TMOD2: variants seen among roughly 807,000 people sequenced by gnomAD.
TMOD2 encodes the protein tropomodulin-2.
In TMOD2, 22 loss-of-function variants were observed where a neutral mutation model predicts 39.9. That is an observed-to-expected ratio of 0.55 (90% confidence interval 0.39 to 0.79). The LOEUF (loss-of-function observed/expected upper bound fraction) is 0.79, where lower values mean the gene tolerates loss of function less well. Ranked by LOEUF, TMOD2 falls within the 30% of genes least tolerant of loss-of-function variation. The pLI is 0.00. For synonymous variants in TMOD2, 123 were observed against 146.1 expected (o/e 0.84, Z 1.14); for missense variants, 386 against 413.3 (o/e 0.93, Z 0.57).
intron 7 of TMOD2, among the ~76,000 whole-genome samples, chr15:51,797,703 T>C (rs374863646): frequency 3.9e-4 from 60 of 152,312 alleles, no homozygotes; most frequent in African/African-American, 1.4e-3. Flanking sequence ...GTTCCAAAAG[T>C]TATTTTTTAA....
At chr15:51,795,566 CTTGCTTGCTTGCT>C (rs1432410913) in intron 7 of TMOD2, among the ~76,000 whole-genome samples, 3 of 27,378 alleles carry the variant, frequency 1.1e-4, no homozygotes, top group African/African-American at 6.8e-4. Flanking sequence ...TTCTCTTCTG[CTTGCTTGCTTGCT>C]TTCTTTCTTT....
At position 51,808,405 on chromosome 15, in the gene TMOD2, T is replaced by C. The variant is rs774627169; in HGVS notation, c.1022-15T>C. ...CCCTTCAATTTGTCTTTTTGTTCCT[T>C]TCTTTCTTACCTAGTTCGTAAGAAG... On this transcript the variant is annotated splice_polypyrimidine_tract_variant and intron_variant, in intron 9 of 9. Coordinates refer to ENST00000249700, the MANE Select transcript of TMOD2 (RefSeq NM_014548.4). 21 of 1,609,096 alleles carry C rather than the reference T, an allele frequency of 1.3e-5. No homozygotes were observed. The highest frequency in any genetic ancestry group is 1.7e-6 in the Non-Finnish European group (2 of 1,177,552).
chr15:51,806,287 C>A, intron 8 of TMOD2, 90 bp from the exon 9 acceptor site: 1 of 1,478,896 alleles, frequency 6.8e-7, no homozygotes, highest in Non-Finnish European at 9.2e-7. Flanking sequence ...GCCTTTTTGT[C>A]CAGCAAGTAG....
At chr15:51,789,001 A>G (rs1321100008) in intron 7 of TMOD2, among the ~76,000 whole-genome samples, 2 of 152,254 alleles carry the variant, frequency 1.3e-5, no homozygotes, top group African/African-American at 2.4e-5. Flanking sequence ...TCAAATTCAC[A>G]TATAACAATA....
At chr15:51,760,603 A>C (rs1023359191) in intron 1 of TMOD2, among the ~76,000 whole-genome samples, 4 of 152,192 alleles carry the variant, frequency 2.6e-5, no homozygotes, top group Non-Finnish European at 5.9e-5. Flanking sequence ...TCAGGTGCTC[A>C]AGACCAGCCT....
intron 7 of TMOD2, among the ~76,000 whole-genome samples, chr15:51,789,265 G>A (rs1316769901): frequency 1.3e-5 from 2 of 152,134 alleles, no homozygotes; most frequent in African/African-American, 4.8e-5. Flanking sequence ...GACAAAGAAG[G>A]GCATTACATA....
chr15:51,759,354 C>G (rs532879357), intron 1 of TMOD2, among the ~76,000 whole-genome samples: 1 of 152,022 alleles, frequency 6.6e-6, no homozygotes, highest in Admixed American at 6.6e-5. Flanking sequence ...GCCTAACCCT[C>G]AGGAAAAAAG....
At chr15:51,798,057 G>T in intron 7 of TMOD2, 140 bp from the exon 8 acceptor site, 1 of 655,408 alleles carries the variant, frequency 1.5e-6, no homozygotes, top group East Asian at 3.1e-5. Flanking sequence ...TTGTTACTTG[G>T]AGGTGAAAGT....
Position 51,808,415 on chromosome 15 carries a change from C to T in TMOD2, c.1022-5C>T. On this transcript the variant is annotated splice_polypyrimidine_tract_variant and splice_region_variant and intron_variant, in intron 9 of 9. Transcript: ENST00000249700. The stretch of plus-strand genomic sequence containing the variant: ...TGTCTTTTTGTTCCTTTCTTTCTTA[C>T]CTAGTTCGTAAGAAGAGAGTTGAAG... The T allele has an allele frequency of 1.2e-6, 2 of 1,610,754 alleles. No individual in the cohort carries two copies. Among genetic ancestry groups the T allele is most frequent in the Non-Finnish European group, 8.5e-7 (1 of 1,178,360 alleles).
At chr15:51,759,339 T>C (rs929186003) in intron 1 of TMOD2, among the ~76,000 whole-genome samples, 1 of 152,126 alleles carries the variant, frequency 6.6e-6, no homozygotes, top group African/African-American at 2.4e-5. Flanking sequence ...GATGGAAATA[T>C]AGGGGCCTAA....
chr15:51,787,067 T>G (rs1214714077), intron 7 of TMOD2, among the ~76,000 whole-genome samples: 2 of 152,172 alleles, frequency 1.3e-5, no homozygotes, highest in Non-Finnish European at 2.9e-5. Context: ...GATTTCCCTT[T>G]CCTAGCCAAG....
At chr15:51,801,379 C>T (rs1373193738) in intron 8 of TMOD2, among the ~76,000 whole-genome samples, 3 of 151,762 alleles carry the variant, frequency 2.0e-5, no homozygotes, top group Non-Finnish European at 4.4e-5. Flanking sequence ...TGAGGGAATT[C>T]GGGGTCAAAA....
intron 8 of TMOD2, 117 bp from the exon 9 acceptor site, chr15:51,806,260 G>C: frequency 8.7e-7 from 1 of 1,152,412 alleles, no homozygotes; most frequent in South Asian, 1.5e-5. Context: ...CTTTCAGTTT[G>C]AGACCTTTGC....
intron 1 of TMOD2, chr15:51,752,498 A>T (rs2055712799): frequency 6.6e-6 from 1 of 152,226 alleles, no homozygotes; most frequent in African/African-American, 2.4e-5. Context: ...ACATATCTGA[A>T]TCACGAGGCA....
chr15:51,770,657 G>A (rs1204637002), intron 3 of TMOD2, among the ~76,000 whole-genome samples: 2 of 151,946 alleles, frequency 1.3e-5, no homozygotes, highest in Non-Finnish European at 2.9e-5. Context: ...AAGTAAAATT[G>A]GGCCACATGC....
At position 51,773,761 on chromosome 15, in the gene TMOD2, A is replaced by G; in HGVS notation, c.333A>G (p.Glu111=). The G allele has an allele frequency of 6.2e-7, 1 of 1,613,484 alleles. No individual in the cohort carries two copies. Among genetic ancestry groups the G allele is most frequent in the Non-Finnish European group, 8.5e-7 (1 of 1,179,788 alleles). Residue 111 remains glutamate, a synonymous_variant, in exon 4 of 10, where the codon GAA becomes GAG. Transcript: ENST00000249700. The part of the protein sequence containing the change: ...KEKPIETRKE[E]KVTLDPELEE... The stretch of plus-strand genomic sequence containing the variant: ...AGCCTATAGAAACTCGTAAAGAAGA[A>G]AAAGTGACCCTTGACCCAGAACTGG...
intron 1 of TMOD2, 108 bp from the exon 2 acceptor site, chr15:51,766,265 T>C (rs201379596): frequency 2.1e-6 from 1 of 483,540 alleles, no homozygotes; most frequent in Non-Finnish European, 3.6e-6. Context: ...TGTTGAATTA[T>C]TCATTCAATA....
In TMOD2 at chr15:51,814,969, T is replaced by C. The variant is rs771234275; in HGVS notation, c.*6515T>C. Reference sequence around the variant, plus strand: ...TTTTCTGAAAGGATATTTAAAAATATATACTATTTAGGCTGGGCCCAGTGG... The same window carrying C: ...TTTTCTGAAAGGATATTTAAAAATACATACTATTTAGGCTGGGCCCAGTGG... On this transcript the variant is annotated 3_prime_UTR_variant, in exon 10 of 10. Coordinates refer to ENST00000249700, the MANE Select transcript of TMOD2 (RefSeq NM_014548.4). The C allele has an allele frequency of 2.0e-5, 3 of 152,216 alleles. No homozygotes were observed. Among genetic ancestry groups the C allele is most frequent in the African/African-American group, 7.2e-5 (3 of 41,448 alleles). The allele number at this position is 152,216 out of a possible 1,614,324, so 9.4% of individuals were successfully genotyped here.
At chr15:51,776,037 A>G (rs2055886509) in intron 4 of TMOD2, among the ~76,000 whole-genome samples, 1 of 152,194 alleles carries the variant, frequency 6.6e-6, no homozygotes, top group Non-Finnish European at 1.5e-5. Flanking sequence ...TTCCCAAGTC[A>G]CACAGTTTAA....
Sources: gnomAD v4.1 joint callset for allele counts (sites outside exome capture counted in the v4.1 genomes callset) on GRCh38, gnomAD v4.1.1 for gene constraint, MANE v1.5 for transcripts, NCBI Gene and HGNC (gene_info 2026-07-23, HGNC 2026-07-21) for gene names.